The following UBE2E2 variants were observed in gnomAD, a reference collection of about 807,000 sequenced individuals.
UBE2E2 encodes the protein ubiquitin conjugating enzyme E2 E2.
A neutral mutation model predicts 24.7 loss-of-function variants in UBE2E2; 6 were observed. The ratio of observed to expected loss-of-function variants is 0.24; its 90% CI spans 0.13 to 0.48. The LOEUF is 0.48. Ranked by LOEUF, UBE2E2 falls within the 20% of genes least tolerant of loss-of-function variation. The pLI, the probability that UBE2E2 is intolerant of heterozygous loss-of-function variation, is 0.99. For missense variants in UBE2E2, 169 were observed against 245.0 expected (o/e 0.69, Z 2.07); for synonymous variants, 104 against 83.6 (o/e 1.24, Z -1.33).
intron 3 of UBE2E2, among the ~76,000 whole-genome samples, chr3:23,413,559 C>T (rs890371598): frequency 1.3e-5 from 2 of 152,024 alleles, no homozygotes; most frequent in Admixed American, 6.6e-5. Context: ...AAAGATTCTC[C>T]TCTCTCTGCC....
At chr3:23,256,750 G>A (rs1031408742) in intron 3 of UBE2E2, among the ~76,000 whole-genome samples, 2 of 151,990 alleles carry the variant, frequency 1.3e-5, no homozygotes, top group East Asian at 3.9e-4. Context: ...AATCTTTCAC[G>A]TGGGAGCTTT....
intron 3 of UBE2E2, among the ~76,000 whole-genome samples, chr3:23,441,368 CAAAAAAAA>C (rs752204801): frequency 6.8e-5 from 7 of 103,254 alleles, no homozygotes; most frequent in South Asian, 3.1e-4. Context: ...ACTAAAAATC[CAAAAAAAA>C]AAAAAAAAAA....
intron 3 of UBE2E2, among the ~76,000 whole-genome samples, chr3:23,237,937 A>G (rs1349948920): frequency 6.6e-6 from 1 of 152,102 alleles, no homozygotes; most frequent in Admixed American, 6.6e-5. Context: ...CTTGAGGGGA[A>G]ATTTTTTTTT....
intron 5 of UBE2E2, among the ~76,000 whole-genome samples, chr3:23,578,947 A>T (rs1484626272): frequency 6.6e-6 from 1 of 152,196 alleles, no homozygotes; most frequent in East Asian, 1.9e-4. Context: ...AAAAATTTTT[A>T]AATACTACTA....
intron 3 of UBE2E2, among the ~76,000 whole-genome samples, chr3:23,373,494 C>T (rs1248704822): frequency 6.6e-6 from 1 of 152,104 alleles, no homozygotes; most frequent in Non-Finnish European, 1.5e-5. Context: ...GTGCCTAAGA[C>T]ACCAAAGTGA....
chr3:23,376,229 A>G (rs1387962446), intron 3 of UBE2E2, among the ~76,000 whole-genome samples: 1 of 152,176 alleles, frequency 6.6e-6, no homozygotes, highest in Admixed American at 6.6e-5. Context: ...GTTAAAATAC[A>G]AGATAGATTG....
chr3:23,349,143 G>T (rs1695650066), intron 3 of UBE2E2, among the ~76,000 whole-genome samples: 1 of 152,168 alleles, frequency 6.6e-6, no homozygotes, highest in African/African-American at 2.4e-5. Context: ...GGCACAGCTT[G>T]CCTGCTGACC....
At chr3:23,344,382 T>G (rs781185321) in intron 3 of UBE2E2, among the ~76,000 whole-genome samples, 15 of 152,092 alleles carry the variant, frequency 9.9e-5, no homozygotes, top group Non-Finnish European at 5.9e-5. Flanking sequence ...GAAAAAGCCT[T>G]AGAGCCACAA....
chr3:23,556,979 G>A (rs1255829277), intron 5 of UBE2E2, among the ~76,000 whole-genome samples: 1 of 152,070 alleles, frequency 6.6e-6, no homozygotes, highest in African/African-American at 2.4e-5. Context: ...CTAAACAATT[G>A]CCAAGTCCCT....
At chr3:23,237,603 A>G (rs1218501254) in intron 3 of UBE2E2, among the ~76,000 whole-genome samples, 1 of 152,168 alleles carries the variant, frequency 6.6e-6, no homozygotes, top group Non-Finnish European at 1.5e-5. Context: ...TTTCATGTAT[A>G]CAACACTCAT....
intron 5 of UBE2E2, among the ~76,000 whole-genome samples, chr3:23,575,630 CA>C: frequency 6.6e-6 from 1 of 151,682 alleles, no homozygotes; most frequent in Non-Finnish European, 1.5e-5. Context: ...GGAAAAAAAA[CA>C]AAAAAGCTGA....
chr3:23,312,917 T>C (rs1302330748), intron 3 of UBE2E2, among the ~76,000 whole-genome samples: 1 of 152,240 alleles, frequency 6.6e-6, no homozygotes, highest in Non-Finnish European at 1.5e-5. Context: ...TTCCTCATTA[T>C]TGATTTCTAG....
chr3:23,273,653 G>A (rs903492301), intron 3 of UBE2E2, among the ~76,000 whole-genome samples: 1 of 152,216 alleles, frequency 6.6e-6, no homozygotes, highest in Non-Finnish European at 1.5e-5. Flanking sequence ...ATAGTTTCCA[G>A]GAACCTATCA....
intron 3 of UBE2E2, among the ~76,000 whole-genome samples, chr3:23,274,750 T>C (rs576266225): frequency 2.0e-5 from 3 of 152,188 alleles, no homozygotes; most frequent in African/African-American, 7.2e-5. Context: ...TTTAAAATAA[T>C]GATACACTGG....
chr3:23,264,906 G>C (rs1347720598), intron 3 of UBE2E2, among the ~76,000 whole-genome samples: 2 of 152,158 alleles, frequency 1.3e-5, no homozygotes, highest in African/African-American at 4.8e-5. Context: ...TTTCAGTCCT[G>C]TGAAATGCAG....
intron 3 of UBE2E2, among the ~76,000 whole-genome samples, chr3:23,466,042 A>G (rs1698912523): frequency 6.6e-6 from 1 of 152,196 alleles, no homozygotes; most frequent in South Asian, 2.1e-4. Flanking sequence ...CCACCTATAA[A>G]GATATCATCC....
chr3:23,539,913 T>C (rs1309431539), intron 5 of UBE2E2, among the ~76,000 whole-genome samples: 1 of 152,212 alleles, frequency 6.6e-6, no homozygotes, highest in Non-Finnish European at 1.5e-5. Flanking sequence ...CTCTAGACTC[T>C]CCTTTACCAA....
intron 3 of UBE2E2, among the ~76,000 whole-genome samples, chr3:23,432,439 A>G (rs990545771): frequency 2.6e-5 from 4 of 152,084 alleles, no homozygotes; most frequent in Admixed American, 2.6e-4. Flanking sequence ...AGGACTTTAA[A>G]CAAATTTTTT....
chr3:23,436,081 A>G (rs1244603871), intron 3 of UBE2E2, among the ~76,000 whole-genome samples: 1 of 152,064 alleles, frequency 6.6e-6, no homozygotes, highest in Non-Finnish European at 1.5e-5. Flanking sequence ...CTCAGGCAAC[A>G]ATGCTTGCTC....
Sources: gnomAD v4.1 joint callset for allele counts (sites outside exome capture counted in the v4.1 genomes callset) on GRCh38, gnomAD v4.1.1 for gene constraint, MANE v1.5 for transcripts, NCBI Gene and HGNC (gene_info 2026-07-23, HGNC 2026-07-21) for gene names.